The following SOX5 variants were observed in gnomAD, a reference collection of about 807,000 sequenced individuals.
The protein encoded by SOX5 is SRY-box transcription factor 5.
SOX5 carries 9 observed loss-of-function variants against 92.0 expected under a neutral mutation model. The observed-to-expected ratio is 0.10, with a 90% CI of 0.06 to 0.17. The LOEUF is 0.17. SOX5 is among the 10% of genes least tolerant of loss of function. SOX5 has a pLI of 1.00. For missense variants in SOX5, 642 were observed against 944.5 expected (o/e 0.68, Z 4.20); for synonymous variants, 344 against 336.3 (o/e 1.02, Z -0.25).
chr12:24,520,155 A>G (rs1021890209), intron 1 of SOX5, among the ~76,000 whole-genome samples: 2 of 152,156 alleles, frequency 1.3e-5, no homozygotes, highest in African/African-American at 4.8e-5. Context: ...GTTTTTCACC[A>G]GTAAACCTCC....
rs776230305 is a variant in SOX5, at chr12:23,983,681, CAATTTATGAAAAGCTG to C, written c.-1-87673_-1-87658del. Among the ~76,000 whole-genome samples, 233 of 152,098 alleles carry C rather than the reference CAATTTATGAAAAGCTG, an allele frequency of 1.5e-3. 1 individual carries two copies. Among genetic ancestry groups the C allele is most frequent in the Non-Finnish European group, 1.1e-3 (77 of 67,988 alleles). On this transcript the variant is annotated intron_variant, in intron 4 of 4. Transcript: ENST00000446891. ...CAGAATTATACAAATAAGTACATTCCAATTTATGAAAAGCTGAATTTATGAAATGTTATTGCAGAAA... is the reference window on the plus strand; with the variant it reads ...CAGAATTATACAAATAAGTACATTCCAATTTATGAAATGTTATTGCAGAAA...
At chr12:23,807,098 ATTC>A (rs1375720454) in intron 3 of SOX5, among the ~76,000 whole-genome samples, 1 of 150,868 alleles carries the variant, frequency 6.6e-6, no homozygotes, top group East Asian at 2.0e-4. Context: ...AAAATTATGT[ATTC>A]TTCTTTTACA....
intron 1 of SOX5, among the ~76,000 whole-genome samples, chr12:23,929,172 C>T (rs1233431133): frequency 6.6e-6 from 1 of 151,808 alleles, no homozygotes; most frequent in East Asian, 1.9e-4. Context: ...CCTTAAACAA[C>T]AATGCATTTC....
intron 4 of SOX5, among the ~76,000 whole-genome samples, chr12:24,211,924 T>C (rs1958662410): frequency 6.6e-6 from 1 of 152,242 alleles, no homozygotes; most frequent in Non-Finnish European, 1.5e-5. Flanking sequence ...GACAAGAACA[T>C]CCACAACGTT....
intron 3 of SOX5, among the ~76,000 whole-genome samples, chr12:23,796,111 G>A (rs2095557497): frequency 1.3e-5 from 2 of 152,128 alleles, no homozygotes; most frequent in Admixed American, 1.3e-4. Flanking sequence ...ACTCAGTTAT[G>A]ATGAACACTT....
intron 1 of SOX5, among the ~76,000 whole-genome samples, chr12:24,479,665 A>T (rs56360566): frequency 0.22 from 32,358 of 149,848 alleles, 3,550 homozygotes; most frequent in Middle Eastern, 0.29. Context: ...GTATTTATTC[A>T]TTTTTTTTTT....
At chr12:24,390,771 A>G (rs1387165681) in intron 1 of SOX5, among the ~76,000 whole-genome samples, 1 of 152,142 alleles carries the variant, frequency 6.6e-6, no homozygotes, top group African/African-American at 2.4e-5. Context: ...AGGGCTGAGT[A>G]GTATTCTGTG....
At chr12:24,121,644 T>C (rs1178308872) in intron 4 of SOX5, among the ~76,000 whole-genome samples, 42 of 148,554 alleles carry the variant, frequency 2.8e-4, no homozygotes, top group African/African-American at 1.0e-3. Flanking sequence ...ATCCCAGCAC[T>C]TTGAGAGGCT....
At chr12:24,282,730 C>T (rs1440266406) in intron 2 of SOX5, among the ~76,000 whole-genome samples, 1 of 152,148 alleles carries the variant, frequency 6.6e-6, no homozygotes, top group East Asian at 1.9e-4. Flanking sequence ...AGCGCCGCTC[C>T]CATTTCCTAG....
At chr12:24,549,504 T>C (rs924698183) in intron 1 of SOX5, among the ~76,000 whole-genome samples, 2 of 152,162 alleles carry the variant, frequency 1.3e-5, no homozygotes, top group African/African-American at 4.8e-5. Flanking sequence ...TTAAAGCAGA[T>C]AGAAAGAGCA....
chr12:24,119,714 A>G (rs1314714653), intron 4 of SOX5, among the ~76,000 whole-genome samples: 1 of 152,182 alleles, frequency 6.6e-6, no homozygotes, highest in Non-Finnish European at 1.5e-5. Context: ...TTACACAGAA[A>G]AAAGGATACA....
In SOX5 at chr12:24,450,470, TTTTATTTA is replaced by T. The variant is rs75555397; in HGVS notation, c.-250-81839_-250-81832del. ...ATCCATTACTTCGAGTGTGTATTTA[TTTTATTTA>T]TTTATTTATTTATTTATTTATTTAT... On this transcript the variant is annotated intron_variant, in intron 1 of 4. Transcript: ENST00000446891. 8.7e-3 allele frequency among the ~76,000 whole-genome samples: 1,262 copies of T among 145,850 alleles called. 18 individuals are homozygous for T. Among genetic ancestry groups the T allele is most frequent in the African/African-American group, 0.026 (1,041 of 40,050 alleles).
chr12:24,284,128 C>T (rs1212409866), intron 2 of SOX5, among the ~76,000 whole-genome samples: 1 of 152,154 alleles, frequency 6.6e-6, no homozygotes, highest in Non-Finnish European at 1.5e-5. Context: ...ATTTAAGTAG[C>T]GGTTATCTTT....
chr12:23,695,110 C>T (rs1234022864), intron 6 of SOX5, among the ~76,000 whole-genome samples: 1 of 79,362 alleles, frequency 1.3e-5, no homozygotes, highest in East Asian at 4.1e-4. Context: ...ACAAGGGAAA[C>T]CTTGTCTCAA....
intron 1 of SOX5, among the ~76,000 whole-genome samples, chr12:23,914,232 A>C (rs1273892113): frequency 6.6e-6 from 1 of 152,142 alleles, no homozygotes; most frequent in African/African-American, 2.4e-5. Context: ...GGATAAGCTG[A>C]TGGTTTTCTA....
chr12:24,470,029 T>C (rs1490545164), intron 1 of SOX5, among the ~76,000 whole-genome samples: 1 of 152,198 alleles, frequency 6.6e-6, no homozygotes, highest in Non-Finnish European at 1.5e-5. Context: ...ACTTTTAAAC[T>C]ATTAATTAAG....
intron 1 of SOX5, among the ~76,000 whole-genome samples, chr12:24,547,870 G>A (rs935625792): frequency 2.6e-5 from 4 of 152,086 alleles, no homozygotes; most frequent in South Asian, 2.1e-4. Context: ...TACAGTGTTC[G>A]TATCCCCTGG....
intron 8 of SOX5, among the ~76,000 whole-genome samples, chr12:23,605,296 G>C (rs1592500945): frequency 6.6e-6 from 1 of 151,898 alleles, no homozygotes; most frequent in South Asian, 2.1e-4. Context: ...ATAGCCGTAT[G>C]ATGTATTATC....
chr12:23,911,762 G>A (rs1214331726), intron 1 of SOX5, among the ~76,000 whole-genome samples: 2 of 151,998 alleles, frequency 1.3e-5, no homozygotes, highest in Admixed American at 6.6e-5. Context: ...TGTTCTAGGT[G>A]CTTTCCATGT....
Sources: allele counts gnomAD v4.1 joint callset (sites outside exome capture counted in the v4.1 genomes callset), GRCh38; gene constraint gnomAD v4.1.1; transcripts MANE v1.5; gene names NCBI Gene and HGNC (gene_info 2026-07-23, HGNC 2026-07-21).